Variants in CCNT2 observed in about 807,000 individuals in gnomAD.
CCNT2 encodes the protein cyclin T2, also known as cyclin-T2.
CCNT2 carries 18 observed loss-of-function variants against 70.0 expected under a neutral mutation model. The ratio of observed to expected loss-of-function variants is 0.26; its 90% CI spans 0.18 to 0.38. CCNT2 has a LOEUF of 0.38. Among genes scored for constraint, CCNT2 ranks in the 10% least tolerant of loss-of-function variants. The pLI, the probability that CCNT2 is intolerant of heterozygous loss-of-function variation, is 1.00. For missense variants in CCNT2, 734 were observed against 890.2 expected, an observed-to-expected ratio of 0.82 and a Z score of 2.23; for synonymous variants, 334 against 313.3, an observed-to-expected ratio of 1.07 and a Z score of -0.70.
chr2:134,928,274 C>CTTTTTTTTTTT lies in CCNT2; in HGVS notation c.240+8392_240+8402dup, dbSNP rs551173090. ...CCATGCCCGGCCTCACATTGTATTTCTTTTTTTTTTTTTTTTTTTCTGAGA... is the reference window on the plus strand; with the variant it reads ...CCATGCCCGGCCTCACATTGTATTTCTTTTTTTTTTTTTTTTTTTTTTTTTTTTTTCTGAGA... On this transcript the variant is annotated intron_variant, in intron 2 of 8. Transcript: ENST00000264157. Among the ~76,000 whole-genome samples the CTTTTTTTTTTT allele has an allele frequency of 5.7e-4, 55 of 96,384 alleles. 1 individual carries two copies. Among genetic ancestry groups the CTTTTTTTTTTT allele is most frequent in the Middle Eastern group, 0.02 (2 of 100 alleles). The allele number at this position is 96,384 out of a possible 152,430, so 63.2% of individuals were successfully genotyped here. A position where few individuals can be genotyped will look rare whatever the true frequency, so the allele number is the denominator to read the frequency against.
At chr2:134,944,509 T>G in intron 5 of CCNT2, 1 of 963,998 alleles carries the variant, frequency 1.0e-6, no homozygotes, top group Non-Finnish European at 1.2e-6. Flanking sequence ...TCTAGAGACA[T>G]GAAGTCAGTT....
Position 134,923,797 on chromosome 2 carries a change from A to G in CCNT2, c.240+3906A>G, listed in dbSNP as rs544068239. 1.5e-4 allele frequency among the ~76,000 whole-genome samples: 23 copies of G among 152,358 alleles called. No individual in the cohort carries two copies. The South Asian group carries it at 4.1e-3, about 27-fold the overall frequency. On this transcript the variant is annotated intron_variant, in intron 2 of 8. Coordinates refer to ENST00000264157, the MANE Select transcript of CCNT2 (RefSeq NM_058241.3). ...AAAACTATTACGTGGCTGGGATTTGAACCCAAGTCCTTTGCTTAATCCCAA... is the reference window on the plus strand; with the variant it reads ...AAAACTATTACGTGGCTGGGATTTGGACCCAAGTCCTTTGCTTAATCCCAA...
chr2:134,943,407 A>C (rs761929934), intron 5 of CCNT2: 235 of 984,356 alleles, frequency 2.4e-4, no homozygotes, highest in Non-Finnish European at 2.8e-4. Context: ...ATCTCAAAAA[A>C]AAAAGTTATT....
chr2:134,947,733 C>T lies in CCNT2; in HGVS notation c.540-3C>T. On this transcript the variant is annotated splice_polypyrimidine_tract_variant and splice_region_variant and intron_variant, in intron 6 of 8. Transcript: ENST00000264157. ...CTCCATTTTCAAACCTGCTCTGCAACAGTCTGCATCTTACAACCTTCTGTC... is the reference window on the plus strand; with the variant it reads ...CTCCATTTTCAAACCTGCTCTGCAATAGTCTGCATCTTACAACCTTCTGTC... The T allele has an allele frequency of 1.4e-6, 2 of 1,456,436 alleles. No individual in the cohort carries two copies. The highest frequency in any genetic ancestry group is 1.9e-5 in the Admixed American group (1 of 51,668). The allele number at this position is 1,456,436 out of a possible 1,614,324, so 90.2% of individuals were successfully genotyped here.
chr2:134,947,810 A>G lies in CCNT2; in HGVS notation c.614A>G (p.Lys205Arg). The change falls in exon 7 of 9, where the codon AAA (lysine) becomes AGA (arginine). Residue 205 changes from lysine (K) to arginine (R), a missense_variant. By Grantham distance (26) the Lys-to-Arg change is conservative. Around this residue, in one of 3 missense-constraint regions of CCNT2, gnomAD observed 161 missense variants for 303.8 expected, o/e 0.53. Coordinates refer to ENST00000264157, the MANE Select transcript of CCNT2 (RefSeq NM_058241.3). ...TGTGTATGCATTCATTTGGCTTGCA[A>G]ATGGTCCAATTGGGAGATCCCTGTA... ...IACVCIHLAC[K>R]WSNWEIPVST... 1 of 1,564,198 alleles carries G rather than the reference A, an allele frequency of 6.4e-7. No homozygotes were observed. The highest frequency in any genetic ancestry group is 8.7e-7 in the Non-Finnish European group (1 of 1,144,798).
At chr2:134,943,101 T>C (rs1681687127) in intron 5 of CCNT2, 3 of 985,208 alleles carry the variant, frequency 3.0e-6, no homozygotes, top group Admixed American at 6.1e-5. Context: ...CAGATAAAAA[T>C]TGCCTTTGTT....
At chr2:134,931,831 C>T (rs1680793964) in intron 2 of CCNT2, among the ~76,000 whole-genome samples, 2 of 152,082 alleles carry the variant, frequency 1.3e-5, no homozygotes. Flanking sequence ...AACCCATGGA[C>T]TCAAGCAGTC....
intron 5 of CCNT2, chr2:134,943,482 C>T (rs891497662): frequency 1.3e-5 from 13 of 984,838 alleles, no homozygotes; most frequent in Non-Finnish European, 1.6e-5. Flanking sequence ...ATGTATTTTT[C>T]GAGGGTCTTT....
At chr2:134,931,826 A>C (rs112398058) in intron 2 of CCNT2, among the ~76,000 whole-genome samples, 1 of 152,092 alleles carries the variant, frequency 6.6e-6, no homozygotes, top group Non-Finnish European at 1.5e-5. Flanking sequence ...CCTCAAACCC[A>C]TGGACTCAAG....
At chr2:134,939,406 TCTC>T (rs1681399494) in intron 4 of CCNT2, among the ~76,000 whole-genome samples, 2 of 152,168 alleles carry the variant, frequency 1.3e-5, no homozygotes, top group Admixed American at 1.3e-4. Context: ...CAATCCTTAT[TCTC>T]CTCGAGCTGC....
In CCNT2 at chr2:134,959,286, G is replaced by A. The variant is rs1161678026; in HGVS notation, c.*4638G>A. 2.0e-5 allele frequency: 3 copies of A among 152,196 alleles called. No homozygotes were observed. In the East Asian group the frequency reaches 5.8e-4, roughly 29 times the overall value. 9.4% of individuals were successfully genotyped at this position (152,196 alleles called of 1,614,324 possible). On this transcript the variant is annotated 3_prime_UTR_variant, in exon 9 of 9. Coordinates refer to ENST00000264157, the MANE Select transcript of CCNT2 (RefSeq NM_058241.3). ...GTGTATATGGCATGAATTAGTCATTGACTTTAAGCTTCTTATCCATACAAG... is the reference window on the plus strand; with the variant it reads ...GTGTATATGGCATGAATTAGTCATTAACTTTAAGCTTCTTATCCATACAAG...
chr2:134,924,880 C>G (rs767632934), intron 2 of CCNT2, among the ~76,000 whole-genome samples: 52 of 151,982 alleles, frequency 3.4e-4, no homozygotes, highest in Non-Finnish European at 6.5e-4. Flanking sequence ...TGTTTCCCCT[C>G]CATCTTTTTA....
intron 5 of CCNT2, chr2:134,944,311 G>A: frequency 1.0e-6 from 1 of 980,912 alleles, no homozygotes; most frequent in Non-Finnish European, 1.2e-6. Context: ...CATATAATTT[G>A]CTTTAAATTA....
At chr2:134,930,611 G>C (rs1441337550) in intron 2 of CCNT2, among the ~76,000 whole-genome samples, 1 of 152,164 alleles carries the variant, frequency 6.6e-6, no homozygotes, top group Non-Finnish European at 1.5e-5. Flanking sequence ...CTGCCGAACT[G>C]TTTTCCAAAG....
chr2:134,927,280 T>C lies in CCNT2; in HGVS notation c.240+7389T>C, dbSNP rs559683039. Among the ~76,000 whole-genome samples, 6 of 152,362 alleles carry C rather than the reference T, an allele frequency of 3.9e-5. No individual in the cohort carries two copies. In the South Asian group the frequency reaches 8.3e-4, roughly 21 times the overall value. ...ACTCTGTATTATTATAGAAGTCTTA[T>C]GAAGTATTCCTGAAGCGGCTTAAAA... On this transcript the variant is annotated intron_variant, in intron 2 of 8. Transcript: ENST00000264157.
intron 2 of CCNT2, among the ~76,000 whole-genome samples, chr2:134,931,734 ATGTTCT>A (rs1450402061): frequency 6.6e-6 from 1 of 152,124 alleles, no homozygotes. Context: ...TGCAATGTTA[ATGTTCT>A]TGTTTCACAA....
At chr2:134,944,858 A>G (rs1022670647) in intron 5 of CCNT2, 2 of 985,060 alleles carry the variant, frequency 2.0e-6, no homozygotes, top group Non-Finnish European at 1.2e-6. Context: ...ATACATGCCT[A>G]GGTGAAAACT....
intron 5 of CCNT2, 142 bp downstream of exon 5, chr2:134,942,816 T>A: frequency 7.1e-7 from 1 of 1,409,224 alleles, no homozygotes; most frequent in East Asian, 2.6e-5. Context: ...GCATTACTTT[T>A]TAGTGTTCTA....
chr2:134,953,836 G>T lies in CCNT2; in HGVS notation c.1381G>T (p.Val461Leu). The T allele has an allele frequency of 6.2e-7, 1 of 1,613,950 alleles. No individual in the cohort carries two copies. The highest frequency in any genetic ancestry group is 1.3e-5 in the African/African-American group (1 of 75,002). Residue 461 changes from valine (V) to leucine (L), a missense_variant, in exon 9 of 9, where the codon GTA (valine) becomes TTA (leucine). Transcript: ENST00000264157. Reference sequence around the variant, plus strand: ...AAGGGATCATTATATAGCTGCCCAGGTAGAACAGCAGCACAAACAAGGGCA... The same window carrying T: ...AAGGGATCATTATATAGCTGCCCAGTTAGAACAGCAGCACAAACAAGGGCA... ...DVRDHYIAAQ[V>L]EQQHKQGQSQ...
Sources: allele counts gnomAD v4.1 joint callset (sites outside exome capture counted in the v4.1 genomes callset), GRCh38; gene constraint gnomAD v4.1.1; regional missense constraint gnomAD v4.1.1; transcripts MANE v1.5; gene names NCBI Gene and HGNC (gene_info 2026-07-23, HGNC 2026-07-21).